The following ZNF674 variants were observed in gnomAD, a reference collection of about 807,000 sequenced individuals.
ZNF674 encodes the protein zinc finger family member 674.
In ZNF674, 2 loss-of-function variants were observed where a neutral mutation model predicts 7.0. The ratio of observed to expected loss-of-function variants is 0.29; its 90% CI spans 0.12 to 0.90. The LOEUF is 0.90. Among genes scored for constraint, ZNF674 ranks in the 40% least tolerant of loss-of-function variants. The probability of loss-of-function intolerance (pLI) is 0.57; values close to 1 mark genes in which losing one functional copy is unlikely to be tolerated. For synonymous variants in ZNF674, 103 were observed against 145.2 expected, an observed-to-expected ratio of 0.71 and a Z score of 2.09; for missense variants, 297 against 415.5, an observed-to-expected ratio of 0.71 and a Z score of 2.48.
intron 2 of ZNF674, among the ~76,000 whole-genome samples, chrX:46,542,470 G>C (rs1443073285): frequency 9.0e-6 from 1 of 111,660 alleles, no homozygotes; most frequent in African/African-American, 3.3e-5. Flanking sequence ...CTGCATGCGG[G>C]GGGCGCTGAA....
intron 5 of ZNF674, among the ~76,000 whole-genome samples, chrX:46,512,338 G>T (rs1941673896): frequency 9.0e-6 from 1 of 111,637 alleles, no homozygotes; most frequent in Non-Finnish European, 1.9e-5. Context: ...CTCCAGCCTG[G>T]GTCTCTAAAT....
chrX:46,519,083 G>A (rs747360950), intron 5 of ZNF674, among the ~76,000 whole-genome samples: 22 of 107,719 alleles, frequency 2.0e-4, no homozygotes, highest in Non-Finnish European at 3.6e-4. Context: ...TGTGCCTGTA[G>A]TCCCAGCTAC....
rs1054524767 is a variant in ZNF674, at chrX:46,500,973, G to A, written c.601C>T (p.His201Tyr). The A allele has an allele frequency of 1.7e-6, 2 of 1,186,388 alleles. No individual in the cohort carries two copies. The highest frequency in any genetic ancestry group is 3.5e-5 in the African/African-American group (2 of 56,357). The stretch of plus-strand genomic sequence containing the variant: ...CTTTTTCTAAGGGCTTGCTTTTGGT[G>A]GAGGGCTTTCCCTCGTTGATTAGGG... ...FDPNQRGKAL[H>Y]QKQALRKSQR... is the part of the protein sequence containing the mutation. The change falls in exon 6 of 6, where the codon CAC becomes TAC. Residue 201 changes from histidine to tyrosine, a missense_variant. By Grantham distance (83) the His-to-Tyr change is moderately conservative. Coordinates refer to ENST00000683375, the MANE Select transcript of ZNF674 (RefSeq NM_001190417.2).
chrX:46,514,879 C>G (rs1941732538), intron 5 of ZNF674, among the ~76,000 whole-genome samples: 1 of 111,931 alleles, frequency 8.9e-6, no homozygotes, highest in Non-Finnish European at 1.9e-5. Context: ...ATCTTTCAGC[C>G]TGAAGCAGGT....
intron 3 of ZNF674, among the ~76,000 whole-genome samples, chrX:46,540,076 C>G (rs1336510437): frequency 5.4e-5 from 6 of 111,055 alleles, no homozygotes; most frequent in Non-Finnish European, 7.6e-5. Context: ...AACCCCGTCT[C>G]TACTAAAAAT....
At chrX:46,524,544 A>T (rs1334966852) in intron 5 of ZNF674, among the ~76,000 whole-genome samples, 1 of 109,347 alleles carries the variant, frequency 9.1e-6, no homozygotes, top group African/African-American at 3.3e-5. Flanking sequence ...CACACAAAAA[A>T]AATTAGCCAG....
At position 46,539,929 on chromosome X, in the gene ZNF674, C is replaced by T. The variant is rs1942261891; in HGVS notation, c.15+2144G>A. Among the ~76,000 whole-genome samples the T allele has an allele frequency of 1.8e-5, 2 of 112,268 alleles. 1 individual carries two copies. The highest frequency in any genetic ancestry group is 6.5e-5 in the African/African-American group (2 of 30,953). Reference sequence around the variant, plus strand: ...GTGTCAGAGTGAGAACTAGCACACACAGGAGTGAGCAGACAAAGAGATTCA... The same window carrying T: ...GTGTCAGAGTGAGAACTAGCACACATAGGAGTGAGCAGACAAAGAGATTCA... On this transcript the variant is annotated intron_variant, in intron 3 of 5. Coordinates refer to ENST00000683375, the MANE Select transcript of ZNF674 (RefSeq NM_001190417.2).
chrX:46,502,968 G>C (rs889098432), intron 5 of ZNF674, among the ~76,000 whole-genome samples: 2 of 112,204 alleles, frequency 1.8e-5, no homozygotes, highest in Non-Finnish European at 3.8e-5. Context: ...GATCTAGGCA[G>C]TATTTGAAGA....
chrX:46,520,036 T>C (rs187545371), intron 5 of ZNF674, among the ~76,000 whole-genome samples: 126 of 112,295 alleles, frequency 1.1e-3, no homozygotes, highest in African/African-American at 4.0e-3. Context: ...GACAAAATTA[T>C]AGAAACAGAG....
At chrX:46,535,922 T>C (rs752805068) in intron 3 of ZNF674, among the ~76,000 whole-genome samples, 68 of 112,176 alleles carry the variant, frequency 6.1e-4, no homozygotes, top group Non-Finnish European at 1.1e-3. Context: ...AAAAGTCACA[T>C]ATATGCTCAT....
intron 3 of ZNF674, among the ~76,000 whole-genome samples, chrX:46,541,766 G>C (rs1186249153): frequency 9.0e-6 from 1 of 111,603 alleles, no homozygotes; most frequent in Admixed American, 9.6e-5. Flanking sequence ...CAGTAAAAAA[G>C]ACCAAGCGAT....
intron 5 of ZNF674, among the ~76,000 whole-genome samples, chrX:46,516,034 T>A (rs1165573122): frequency 8.9e-6 from 1 of 111,923 alleles, no homozygotes; most frequent in African/African-American, 3.2e-5. Flanking sequence ...AAGAAGGGTC[T>A]CAAATGATGA....
In ZNF674 at chrX:46,500,271, G is replaced by A. The variant is rs920432447; in HGVS notation, c.1303C>T (p.Pro435Ser). The A allele has an allele frequency of 2.5e-6, 3 of 1,209,568 alleles. No individual in the cohort carries two copies. The highest frequency in any genetic ancestry group is 2.2e-5 in the Admixed American group (1 of 45,753). ...TTCCCACATCTTCTGCATTCATAAG[G>A]TTTCTCTCCTGTATGAGTTCTATGA... Reference protein sequence around the residue: ...VHHRTHTGEKPYECRRCGKAF... With the variant: ...VHHRTHTGEKSYECRRCGKAF... The change falls in exon 6 of 6, where the codon CCT becomes TCT. Residue 435 changes from proline to serine, a missense_variant. Coordinates refer to ENST00000683375, the MANE Select transcript of ZNF674 (RefSeq NM_001190417.2).
At chrX:46,525,615 C>CAA (rs1194779627) in intron 5 of ZNF674, among the ~76,000 whole-genome samples, 2 of 86,748 alleles carry the variant, frequency 2.3e-5, no homozygotes, top group African/African-American at 8.5e-5. Context: ...AACTCCTTCT[C>CAA]AAAAAAAAAA....
At chrX:46,503,098 C>A (rs1941465050) in intron 5 of ZNF674, among the ~76,000 whole-genome samples, 1 of 112,078 alleles carries the variant, frequency 8.9e-6, no homozygotes, top group African/African-American at 3.2e-5. Context: ...AGTGTAGCCA[C>A]AAGGCTTTCA....
chrX:46,528,265 G>A, intron 5 of ZNF674, 85 bp downstream of exon 5: 1 of 940,704 alleles, frequency 1.1e-6, no homozygotes, highest in South Asian at 2.0e-5. Context: ...TCTGAGAAGA[G>A]CTCCTGAGCA....
At chrX:46,531,432 G>A (rs1325588589) in intron 3 of ZNF674, among the ~76,000 whole-genome samples, 1 of 111,800 alleles carries the variant, frequency 8.9e-6, no homozygotes, top group African/African-American at 3.3e-5. Context: ...TCAGGTGGGG[G>A]TAGTCTTGTG....
chrX:46,545,036 G>A (rs1942353954), intron 1 of ZNF674, among the ~76,000 whole-genome samples: 1 of 111,686 alleles, frequency 9.0e-6, no homozygotes, highest in Non-Finnish European at 1.9e-5. Context: ...ACGGGACTTT[G>A]GACAGGTTGC....
At chrX:46,539,545 A>C (rs1217613925) in intron 3 of ZNF674, among the ~76,000 whole-genome samples, 1 of 112,963 alleles carries the variant, frequency 8.9e-6, no homozygotes, top group Non-Finnish European at 1.9e-5. Context: ...AAGGTAAATG[A>C]ATATTGGTGT....
Sources: allele counts gnomAD v4.1 joint callset (sites outside exome capture counted in the v4.1 genomes callset), GRCh38; gene constraint gnomAD v4.1.1; transcripts MANE v1.5; gene names NCBI Gene and HGNC (gene_info 2026-07-23, HGNC 2026-07-21).